Variants in ADAMTS12 observed in about 807,000 individuals in gnomAD.
ADAMTS12 encodes the protein A disintegrin and metalloproteinase with thrombospondin motifs 12.
In ADAMTS12, 118 loss-of-function variants were observed where a neutral mutation model predicts 167.8. That is an observed-to-expected ratio of 0.70 (90% confidence interval 0.61 to 0.82). The LOEUF (loss-of-function observed/expected upper bound fraction) is 0.82, where lower values mean the gene tolerates loss of function less well. Ranked by LOEUF, ADAMTS12 falls within the 40% of genes least tolerant of loss-of-function variation. The pLI is 0.00. For synonymous variants in ADAMTS12, 704 were observed against 716.9 expected, an observed-to-expected ratio of 0.98 and a Z score of 0.29; for missense variants, 1,916 against 1,998.8, an observed-to-expected ratio of 0.96 and a Z score of 0.79.
At chr5:33,790,676 T>C (rs1017689910) in intron 2 of ADAMTS12, among the ~76,000 whole-genome samples, 1 of 149,376 alleles carries the variant, frequency 6.7e-6, no homozygotes, top group African/African-American at 2.4e-5. Flanking sequence ...TTTATTAAAG[T>C]GTGTGTGTGT....
chr5:33,668,137 A>C (rs1741537644), intron 5 of ADAMTS12, among the ~76,000 whole-genome samples: 1 of 152,192 alleles, frequency 6.6e-6, no homozygotes, highest in Non-Finnish European at 1.5e-5. Flanking sequence ...CAATGAATAC[A>C]CCTAACCTAC....
At chr5:33,611,025 A>G (rs1230243210) in intron 16 of ADAMTS12, among the ~76,000 whole-genome samples, 2 of 152,074 alleles carry the variant, frequency 1.3e-5, no homozygotes, top group Non-Finnish European at 2.9e-5. Flanking sequence ...AGATCGTGCC[A>G]TCCCACTCCA....
chr5:33,874,208 G>C (rs1580010310), intron 2 of ADAMTS12, among the ~76,000 whole-genome samples: 1 of 152,142 alleles, frequency 6.6e-6, no homozygotes, highest in Admixed American at 6.5e-5. Context: ...AATTTACAAA[G>C]AACTCTTAAT....
At chr5:33,635,840 G>A (rs1740166892) in intron 12 of ADAMTS12, among the ~76,000 whole-genome samples, 1 of 152,178 alleles carries the variant, frequency 6.6e-6, no homozygotes, top group Admixed American at 6.6e-5. Flanking sequence ...AGCTATTCAG[G>A]TTAGCAGATA....
intron 2 of ADAMTS12, among the ~76,000 whole-genome samples, chr5:33,872,844 A>T (rs1277254580): frequency 1.3e-5 from 2 of 152,248 alleles, no homozygotes; most frequent in Non-Finnish European, 2.9e-5. Flanking sequence ...AAAGAAAAAA[A>T]TTACATGATC....
intron 18 of ADAMTS12, among the ~76,000 whole-genome samples, chr5:33,578,009 T>C (rs1457198258): frequency 6.6e-6 from 1 of 152,180 alleles, no homozygotes. Context: ...GAATGGCAGA[T>C]ATGGAGTTGC....
At chr5:33,764,827 G>A (rs1448787162) in intron 2 of ADAMTS12, among the ~76,000 whole-genome samples, 1 of 151,614 alleles carries the variant, frequency 6.6e-6, no homozygotes, top group Non-Finnish European at 1.5e-5. Flanking sequence ...CTTAAACAAG[G>A]CCCAAATTGA....
intron 2 of ADAMTS12, among the ~76,000 whole-genome samples, chr5:33,801,857 T>C (rs1323638559): frequency 1.3e-5 from 2 of 152,344 alleles, no homozygotes; most frequent in South Asian, 2.1e-4. Context: ...TGCCAAATCA[T>C]TGACTTATTA....
intron 20 of ADAMTS12, among the ~76,000 whole-genome samples, chr5:33,557,483 G>T (rs1032473942): frequency 3.3e-5 from 5 of 152,094 alleles, no homozygotes; most frequent in African/African-American, 1.2e-4. Flanking sequence ...CACATGATTT[G>T]GACTTTAGAC....
intron 3 of ADAMTS12, among the ~76,000 whole-genome samples, chr5:33,742,498 T>G (rs1391792134): frequency 6.6e-6 from 1 of 152,212 alleles, no homozygotes; most frequent in Non-Finnish European, 1.5e-5. Context: ...ACATTTGCCT[T>G]GCCTCAGTGG....
chr5:33,586,358 A>G (rs1043789630), intron 18 of ADAMTS12, among the ~76,000 whole-genome samples: 2 of 152,350 alleles, frequency 1.3e-5, no homozygotes, highest in South Asian at 2.1e-4. Flanking sequence ...GATTTAACTA[A>G]AAGCACTTCC....
intron 2 of ADAMTS12, among the ~76,000 whole-genome samples, chr5:33,859,943 C>T (rs1364932977): frequency 6.6e-6 from 1 of 152,148 alleles, no homozygotes; most frequent in East Asian, 1.9e-4. Flanking sequence ...GGAAAACTAA[C>T]CAACACAAAG....
At chr5:33,763,455 A>G (rs750307437) in intron 2 of ADAMTS12, among the ~76,000 whole-genome samples, 29 of 152,224 alleles carry the variant, frequency 1.9e-4, no homozygotes, top group Non-Finnish European at 3.1e-4. Context: ...GAAGGTAGCC[A>G]TGGCAACATT....
intron 3 of ADAMTS12, among the ~76,000 whole-genome samples, chr5:33,701,424 A>C (rs1187260177): frequency 6.6e-6 from 1 of 152,092 alleles, no homozygotes; most frequent in African/African-American, 2.4e-5. Context: ...CTCATCATAG[A>C]CTGCCAAGCC....
intron 2 of ADAMTS12, among the ~76,000 whole-genome samples, chr5:33,873,053 C>T (rs1446017265): frequency 6.6e-6 from 1 of 151,336 alleles, no homozygotes; most frequent in East Asian, 1.9e-4. Context: ...TTTTTGACAC[C>T]ATATTGAAAG....
chr5:33,726,879 C>G (rs1289625382), intron 3 of ADAMTS12, among the ~76,000 whole-genome samples: 1 of 152,072 alleles, frequency 6.6e-6, no homozygotes, highest in Non-Finnish European at 1.5e-5. Context: ...CACTCTGAAG[C>G]CATGTGAATG....
chr5:33,574,654 G>A (rs900710558), intron 19 of ADAMTS12, among the ~76,000 whole-genome samples: 10 of 151,360 alleles, frequency 6.6e-5, no homozygotes, highest in Non-Finnish European at 7.4e-5. Flanking sequence ...GCTAAACGAC[G>A]AATTAATGGG....
At chr5:33,551,703 T>C (rs924587189) in intron 20 of ADAMTS12, among the ~76,000 whole-genome samples, 1 of 152,262 alleles carries the variant, frequency 6.6e-6, no homozygotes, top group Admixed American at 6.5e-5. Flanking sequence ...CAAGAGCATG[T>C]GCACATTCAG....
intron 5 of ADAMTS12, among the ~76,000 whole-genome samples, chr5:33,674,053 A>G (rs931642147): frequency 6.6e-6 from 1 of 152,154 alleles, no homozygotes; most frequent in African/African-American, 2.4e-5. Context: ...GGGCCTCCAG[A>G]ACAAGAATTG....
Sources: gnomAD v4.1 joint callset for allele counts (sites outside exome capture counted in the v4.1 genomes callset) on GRCh38, gnomAD v4.1.1 for gene constraint, MANE v1.5 for transcripts, NCBI Gene and HGNC (gene_info 2026-07-23, HGNC 2026-07-21) for gene names.